The following FUT9 variants were observed in gnomAD, a reference collection of about 807,000 sequenced individuals.
FUT9 encodes the protein fucosyltransferase 9, also known as 4-galactosyl-N-acetylglucosaminide 3-alpha-L-fucosyltransferase 9.
FUT9 carries 15 observed loss-of-function variants against 29.7 expected under a neutral mutation model. The observed-to-expected ratio is 0.51, with a 90% confidence interval of 0.34 to 0.78. FUT9 has a LOEUF of 0.78. Among genes scored for constraint, FUT9 ranks in the 30% least tolerant of loss-of-function variants. FUT9 has a pLI of 0.01. For missense variants in FUT9, 319 were observed against 425.4 expected, an observed-to-expected ratio of 0.75 and a Z score of 2.20; for synonymous variants, 169 against 153.7, an observed-to-expected ratio of 1.10 and a Z score of -0.74.
chr6:96,131,242 T>A (rs1393816407), intron 2 of FUT9, among the ~76,000 whole-genome samples: 1 of 152,064 alleles, frequency 6.6e-6, no homozygotes, highest in African/African-American at 2.4e-5. Flanking sequence ...TGAAAAAAAA[T>A]AGAACATATT....
In FUT9 at chr6:96,209,754, G is replaced by C. The variant is rs886525620; in HGVS notation, c.*5519G>C. 6.0e-6 allele frequency: 1 copy of C among 166,706 alleles called. No individual in the cohort carries two copies. The highest frequency in any genetic ancestry group is 2.4e-5 in the African/African-American group (1 of 41,384). 10.3% of individuals were successfully genotyped at this position (166,706 alleles called of 1,614,324 possible). On this transcript the variant is annotated 3_prime_UTR_variant, in exon 3 of 3. Transcript: ENST00000302103. ...TTTAAAAATAACCTCTCAAACACCA[G>C]TTGCTTTCTGTCAGTTTTACTCAAA...
chr6:96,072,643 T>G (rs9285549), intron 1 of FUT9, among the ~76,000 whole-genome samples: 83,849 of 151,970 alleles, frequency 0.55, 23,277 homozygotes, highest in South Asian at 0.64. Flanking sequence ...GTTCCATGAA[T>G]TTTTGCCTTA....
chr6:96,042,485 C>A (rs894474332), intron 1 of FUT9, among the ~76,000 whole-genome samples: 1 of 152,104 alleles, frequency 6.6e-6, no homozygotes. Context: ...TACATTTGTT[C>A]TGTGCTGGAA....
intron 2 of FUT9, among the ~76,000 whole-genome samples, chr6:96,174,964 G>C (rs1773178598): frequency 6.6e-6 from 1 of 152,084 alleles, no homozygotes; most frequent in Non-Finnish European, 1.5e-5. Context: ...TATCCCAAAG[G>C]GGTGGCTGAC....
At chr6:96,147,762 T>A (rs1323543400) in intron 2 of FUT9, among the ~76,000 whole-genome samples, 3 of 150,448 alleles carry the variant, frequency 2.0e-5, no homozygotes, top group Non-Finnish European at 4.4e-5. Context: ...TCATACAGAG[T>A]GCTAACACAT....
rs535524259 is a variant in FUT9, at chr6:96,168,674, G to A, written c.-8-34474G>A. 3.3e-5 allele frequency among the ~76,000 whole-genome samples: 5 copies of A among 152,294 alleles called. No homozygotes were observed. In the South Asian group the frequency reaches 1.0e-3, roughly 32 times the overall value. ...AAAAAGTGAAGAAAGTGAACATGTAGACAATTAGTTCAGAGAGTTTTGCTG... is the reference window on the plus strand; with the variant it reads ...AAAAAGTGAAGAAAGTGAACATGTAAACAATTAGTTCAGAGAGTTTTGCTG... On this transcript the variant is annotated intron_variant, in intron 2 of 2. Coordinates refer to ENST00000302103, the MANE Select transcript of FUT9 (RefSeq NM_006581.4).
At chr6:96,143,670 G>A (rs766960404) in intron 2 of FUT9, among the ~76,000 whole-genome samples, 6 of 151,876 alleles carry the variant, frequency 4.0e-5, no homozygotes, top group Admixed American at 6.6e-5. Context: ...GGGTCATTTG[G>A]AACTGTTTAC....
intron 2 of FUT9, among the ~76,000 whole-genome samples, chr6:96,138,670 T>G (rs186023177): frequency 3.5e-4 from 53 of 152,310 alleles, no homozygotes; most frequent in African/African-American, 1.2e-3. Flanking sequence ...GGCAGCAGCA[T>G]CCAGGACTTA....
chr6:96,088,131 T>C (rs571736288), intron 1 of FUT9, among the ~76,000 whole-genome samples: 47 of 152,246 alleles, frequency 3.1e-4, no homozygotes, highest in Non-Finnish European at 5.3e-4. Flanking sequence ...TTGAGAAATA[T>C]CTAATGTAAA....
At chr6:96,115,010 G>A (rs1771883713) in intron 2 of FUT9, among the ~76,000 whole-genome samples, 1 of 152,144 alleles carries the variant, frequency 6.6e-6, no homozygotes, top group Non-Finnish European at 1.5e-5. Flanking sequence ...TCCAGCACTT[G>A]TTTTGCTGAA....
intron 2 of FUT9, among the ~76,000 whole-genome samples, chr6:96,162,280 T>C (rs918391144): frequency 3.9e-5 from 6 of 152,168 alleles, no homozygotes; most frequent in Non-Finnish European, 8.8e-5. Flanking sequence ...GTAATCATTG[T>C]ACATATTTAT....
intron 1 of FUT9, among the ~76,000 whole-genome samples, chr6:96,052,798 GA>G (rs1032623384): frequency 1.7e-4 from 25 of 151,084 alleles, no homozygotes; most frequent in African/African-American, 5.6e-4. Flanking sequence ...GAAACATTAA[GA>G]AAAAAAATCT....
At position 96,209,226 on chromosome 6, in the gene FUT9, T is replaced by G. The variant is rs1001068358; in HGVS notation, c.*4991T>G. 1.8e-5 allele frequency: 3 copies of G among 166,870 alleles called. No individual in the cohort carries two copies. The highest frequency in any genetic ancestry group is 4.4e-5 in the Non-Finnish European group (3 of 68,004). 10.3% of individuals were successfully genotyped at this position (166,870 alleles called of 1,614,324 possible). On this transcript the variant is annotated 3_prime_UTR_variant, in exon 3 of 3. Coordinates refer to ENST00000302103, the MANE Select transcript of FUT9 (RefSeq NM_006581.4). ...TATATGCATGAAATTCCTAATGGAA[T>G]TTCAATGTCCATCTCAAAGTAATTT...
intron 1 of FUT9, among the ~76,000 whole-genome samples, chr6:96,096,615 C>G (rs1771500143): frequency 6.6e-6 from 1 of 151,566 alleles, no homozygotes; most frequent in Non-Finnish European, 1.5e-5. Context: ...CTGTGGGAAT[C>G]TAGACATGGT....
intron 1 of FUT9, among the ~76,000 whole-genome samples, chr6:96,031,934 A>T (rs1330401501): frequency 6.6e-6 from 1 of 151,596 alleles, no homozygotes; most frequent in Non-Finnish European, 1.5e-5. Context: ...AAAAATGACA[A>T]CTGAAAGATC....
chr6:96,103,694 C>G lies in FUT9; in HGVS notation c.-97-10345C>G, dbSNP rs890364340. ...TGAGTCTGTGTGTCTCCAAAGCTCT[C>G]TCATATCACCAGTCATTGGATTTAG... On this transcript the variant is annotated intron_variant, in intron 1 of 2. Transcript: ENST00000302103. Among the ~76,000 whole-genome samples the G allele has an allele frequency of 4.6e-5, 7 of 152,172 alleles. 1 individual carries two copies. The highest frequency in any genetic ancestry group is 1.0e-4 in the Non-Finnish European group (7 of 68,026).
intron 1 of FUT9, among the ~76,000 whole-genome samples, chr6:96,095,411 A>G (rs1771478362): frequency 6.6e-6 from 1 of 152,174 alleles, no homozygotes; most frequent in Admixed American, 6.6e-5. Context: ...TCGCTTGAAT[A>G]CATTCAACTA....
intron 1 of FUT9, among the ~76,000 whole-genome samples, chr6:96,113,139 G>A (rs1251451888): frequency 1.3e-5 from 2 of 151,932 alleles, no homozygotes; most frequent in Admixed American, 6.6e-5. Context: ...TTTGATTATC[G>A]AGATATCTTA....
At chr6:96,184,971 C>CT (rs1409755733) in intron 2 of FUT9, among the ~76,000 whole-genome samples, 12 of 150,992 alleles carry the variant, frequency 7.9e-5, no homozygotes, top group Non-Finnish European at 1.3e-4. Context: ...GATAGAAATG[C>CT]TTTTTTTTTA....
Sources: gnomAD v4.1 joint callset for allele counts (sites outside exome capture counted in the v4.1 genomes callset) on GRCh38, gnomAD v4.1.1 for gene constraint, MANE v1.5 for transcripts, NCBI Gene and HGNC (gene_info 2026-07-23, HGNC 2026-07-21) for gene names.